The following CABCOCO1 variants were observed in gnomAD, a reference collection of about 807,000 sequenced individuals.
CABCOCO1 encodes ciliary associated calcium binding coiled-coil 1, also known as ciliary-associated calcium-binding coiled-coil protein 1.
A neutral mutation model predicts 35.7 loss-of-function variants in CABCOCO1; 28 were observed. The observed-to-expected ratio is 0.78, with a 90% CI of 0.58 to 1.07. The LOEUF (loss-of-function observed/expected upper bound fraction) is 1.07. CABCOCO1 is among the 50% of genes least tolerant of loss of function. The pLI is 0.00. For missense variants in CABCOCO1, 326 were observed against 309.2 expected (o/e 1.05, Z -0.41); for synonymous variants, 95 against 100.1 (o/e 0.95, Z 0.30).
At chr10:61,670,750 G>A (rs185987282) in intron 1 of CABCOCO1, among the ~76,000 whole-genome samples, 57 of 152,192 alleles carry the variant, frequency 3.7e-4, no homozygotes, top group Admixed American at 3.3e-3. Context: ...TTGTGTAGCT[G>A]CTGCTGTCTT....
chr10:61,703,484 CCTCAATA>C (rs1840514690), intron 5 of CABCOCO1, among the ~76,000 whole-genome samples: 1 of 151,966 alleles, frequency 6.6e-6, no homozygotes, highest in Non-Finnish European at 1.5e-5. Context: ...ATGATCTTTT[CCTCAATA>C]ATAAGCAAAA....
intron 2 of CABCOCO1, among the ~76,000 whole-genome samples, chr10:61,677,989 TC>T (rs1404814778): frequency 1.3e-5 from 2 of 152,054 alleles, no homozygotes; most frequent in Non-Finnish European, 2.9e-5. Context: ...TATCCAAATG[TC>T]AGAAGTATAT....
chr10:61,679,317 C>CTA (rs779463435), intron 2 of CABCOCO1, among the ~76,000 whole-genome samples: 3 of 132,086 alleles, frequency 2.3e-5, no homozygotes, highest in Admixed American at 7.6e-5. Flanking sequence ...ATATCTATAT[C>CTA]TATATCTATA....
At chr10:61,756,887 C>T (rs1390367003) in intron 5 of CABCOCO1, among the ~76,000 whole-genome samples, 1 of 150,936 alleles carries the variant, frequency 6.6e-6, no homozygotes, top group Non-Finnish European at 1.5e-5. Context: ...ACATATTAGA[C>T]TTTTGAGGAA....
intron 1 of CABCOCO1, among the ~76,000 whole-genome samples, chr10:61,664,758 G>A (rs1839113515): frequency 6.6e-6 from 1 of 152,178 alleles, no homozygotes; most frequent in Non-Finnish European, 1.5e-5. Context: ...GGGGAATATA[G>A]TTGATGCATA....
At chr10:61,715,053 G>A (rs976086863) in intron 5 of CABCOCO1, among the ~76,000 whole-genome samples, 1 of 152,110 alleles carries the variant, frequency 6.6e-6, no homozygotes, top group African/African-American at 2.4e-5. Flanking sequence ...CTGAGTTGAA[G>A]TCCTGGATAT....
intron 1 of CABCOCO1, among the ~76,000 whole-genome samples, chr10:61,668,938 GT>G (rs1369962152): frequency 2.1e-5 from 3 of 145,272 alleles, no homozygotes; most frequent in African/African-American, 7.5e-5. Flanking sequence ...CTGTATTACT[GT>G]TTTTTCCTTT....
chr10:61,717,414 T>A (rs1196738863), intron 5 of CABCOCO1, among the ~76,000 whole-genome samples: 2 of 152,198 alleles, frequency 1.3e-5, no homozygotes. Context: ...CCTTCATTTT[T>A]AATATAATAT....
intron 5 of CABCOCO1, among the ~76,000 whole-genome samples, chr10:61,740,385 A>T (rs1841523721): frequency 6.6e-6 from 1 of 152,184 alleles, no homozygotes; most frequent in African/African-American, 2.4e-5. Context: ...GTAATGGAGG[A>T]GGAGAAACCA....
At chr10:61,746,959 G>A (rs1437153362) in intron 5 of CABCOCO1, among the ~76,000 whole-genome samples, 1 of 152,098 alleles carries the variant, frequency 6.6e-6, no homozygotes, top group Non-Finnish European at 1.5e-5. Flanking sequence ...CACTTTTTCT[G>A]ATAAGGTAAT....
chr10:61,731,581 G>C (rs1841302855), intron 5 of CABCOCO1, among the ~76,000 whole-genome samples: 1 of 151,688 alleles, frequency 6.6e-6, no homozygotes, highest in African/African-American at 2.4e-5. Context: ...CTTCTAAGGA[G>C]TCAAACTTGG....
intron 2 of CABCOCO1, among the ~76,000 whole-genome samples, chr10:61,680,668 T>TAA (rs1839736138): frequency 2.8e-5 from 2 of 72,126 alleles, no homozygotes; most frequent in Non-Finnish European, 6.0e-5. Context: ...TATACATGTA[T>TAA]AACATATATG....
intron 7 of CABCOCO1, among the ~76,000 whole-genome samples, chr10:61,762,156 C>A (rs555417034): frequency 6.6e-6 from 1 of 152,184 alleles, no homozygotes; most frequent in South Asian, 2.1e-4. Context: ...TGGCTCTGGG[C>A]TCCTTTGCAA....
Position 61,720,867 on chromosome 10 carries a change from G to A in CABCOCO1, c.552+30246G>A, listed in dbSNP as rs1840989462. 2.8e-5 allele frequency among the ~76,000 whole-genome samples: 4 copies of A among 144,714 alleles called. No individual in the cohort carries two copies. In the South Asian group the frequency reaches 9.4e-4, roughly 34 times the overall value. 94.9% of individuals were successfully genotyped at this position (144,714 alleles called of 152,430 possible). ...GTAGGAAAGTATAATATTTTTGTTA[G>A]ATTGTATTGCTGGTCACCCACCTCT... On this transcript the variant is annotated intron_variant, in intron 5 of 7. Coordinates refer to ENST00000648843, the MANE Select transcript of CABCOCO1 (RefSeq NM_001366906.2).
intron 5 of CABCOCO1, among the ~76,000 whole-genome samples, chr10:61,711,779 T>C (rs955648329): frequency 3.3e-5 from 5 of 151,982 alleles, no homozygotes; most frequent in East Asian, 1.9e-4. Flanking sequence ...CTGATCAAAA[T>C]TGAATTTTAG....
intron 5 of CABCOCO1, among the ~76,000 whole-genome samples, chr10:61,714,723 A>G (rs139192399): frequency 7.2e-5 from 11 of 152,126 alleles, no homozygotes; most frequent in South Asian, 6.2e-4. Flanking sequence ...CTTTGTTCTT[A>G]TTGGTGTCAA....
At position 61,727,772 on chromosome 10, in the gene CABCOCO1, A is replaced by C. The variant is rs1396587589; in HGVS notation, c.553-32287A>C. ...AAAATAAACCAAAATAATTTTGAACACCTAACTGGTAATATTTTTAAATGT... is the reference window on the plus strand; with the variant it reads ...AAAATAAACCAAAATAATTTTGAACCCCTAACTGGTAATATTTTTAAATGT... On this transcript the variant is annotated intron_variant, in intron 5 of 7. Coordinates refer to ENST00000648843, the MANE Select transcript of CABCOCO1 (RefSeq NM_001366906.2). Among the ~76,000 whole-genome samples the C allele has an allele frequency of 2.0e-5, 3 of 152,196 alleles. No individual in the cohort carries two copies. In the East Asian group the frequency reaches 5.8e-4, roughly 29 times the overall value.
intron 1 of CABCOCO1, among the ~76,000 whole-genome samples, chr10:61,665,620 G>A (rs1442913989): frequency 6.6e-6 from 1 of 152,058 alleles, no homozygotes; most frequent in Non-Finnish European, 1.5e-5. Flanking sequence ...GGGCGCGGTG[G>A]CTCACGCCTG....
intron 5 of CABCOCO1, among the ~76,000 whole-genome samples, chr10:61,749,759 G>C (rs558510626): frequency 6.6e-6 from 1 of 152,160 alleles, no homozygotes; most frequent in African/African-American, 2.4e-5. Context: ...ATAGATCCGG[G>C]TTCTATTTCT....
Sources: allele counts gnomAD v4.1 joint callset (sites outside exome capture counted in the v4.1 genomes callset), GRCh38; gene constraint gnomAD v4.1.1; transcripts MANE v1.5; gene names NCBI Gene and HGNC (gene_info 2026-07-23, HGNC 2026-07-21).